CDH18: variants seen among roughly 807,000 people sequenced by gnomAD.
The protein encoded by CDH18 is cadherin-18.
CDH18 carries 31 observed loss-of-function variants against 67.9 expected under a neutral mutation model. That is an observed-to-expected ratio of 0.46 (90% CI 0.34 to 0.62). The LOEUF (loss-of-function observed/expected upper bound fraction) is 0.62, where lower values mean the gene tolerates loss of function less well. Ranked by LOEUF, CDH18 falls within the 20% of genes least tolerant of loss-of-function variation. CDH18 has a pLI of 0.01. For missense variants in CDH18, 890 were observed against 975.5 expected (o/e 0.91, Z 1.17); for synonymous variants, 362 against 347.2 (o/e 1.04, Z -0.48).
intron 5 of CDH18, among the ~76,000 whole-genome samples, chr5:19,637,338 G>A (rs1753307257): frequency 6.6e-6 from 1 of 151,988 alleles, no homozygotes; most frequent in African/African-American, 2.4e-5. Context: ...GTTTAGAATT[G>A]GACACTCTAA....
chr5:19,848,182 A>G (rs115936135), intron 2 of CDH18: 1 of 152,196 alleles, frequency 6.6e-6, no homozygotes, highest in Non-Finnish European at 1.5e-5. Context: ...GCCATTAGGC[A>G]TGAAGAGTAC....
At chr5:20,378,951 A>C (rs899531839) in intron 1 of CDH18, among the ~76,000 whole-genome samples, 2 of 152,174 alleles carry the variant, frequency 1.3e-5, no homozygotes, top group African/African-American at 2.4e-5. Context: ...TGACCCACTA[A>C]GAACCTTCTG....
intron 2 of CDH18, among the ~76,000 whole-genome samples, chr5:19,889,476 G>A (rs1353706575): frequency 6.6e-6 from 1 of 151,524 alleles, no homozygotes; most frequent in East Asian, 1.9e-4. Context: ...TATGAGTTTT[G>A]AATTTATATT....
chr5:20,385,932 A>G (rs1310012365), intron 1 of CDH18, among the ~76,000 whole-genome samples: 1 of 152,204 alleles, frequency 6.6e-6, no homozygotes, highest in Non-Finnish European at 1.5e-5. Context: ...TACAGAAACT[A>G]TTACGAGGAA....
chr5:19,693,606 T>C (rs1368522531), intron 5 of CDH18, among the ~76,000 whole-genome samples: 3 of 152,128 alleles, frequency 2.0e-5, no homozygotes, highest in Non-Finnish European at 4.4e-5. Flanking sequence ...TTAAAAATCA[T>C]GAGAGGAAGG....
At chr5:20,371,867 G>A (rs559702308) in intron 1 of CDH18, among the ~76,000 whole-genome samples, 1 of 152,328 alleles carries the variant, frequency 6.6e-6, no homozygotes, top group Admixed American at 6.5e-5. Context: ...AGGTGCAGAA[G>A]CATGTAAGTT....
At chr5:19,717,479 A>G (rs978402861) in intron 5 of CDH18, among the ~76,000 whole-genome samples, 3 of 151,916 alleles carry the variant, frequency 2.0e-5, no homozygotes, top group Admixed American at 2.0e-4. Context: ...TCTCCAACCT[A>G]TGTTATGGGA....
At chr5:20,302,778 A>C (rs957351330) in intron 1 of CDH18, among the ~76,000 whole-genome samples, 11 of 152,230 alleles carry the variant, frequency 7.2e-5, no homozygotes, top group Admixed American at 2.6e-4. Context: ...TTGGGCACTG[A>C]CCCTGAGCCT....
intron 2 of CDH18, among the ~76,000 whole-genome samples, chr5:20,184,800 G>C (rs74608035): frequency 0.032 from 4,901 of 152,172 alleles, 265 homozygotes; most frequent in African/African-American, 0.11. Flanking sequence ...GGGACTGTGT[G>C]TTCTAATGCA....
At chr5:20,002,107 C>G (rs955720439) in intron 2 of CDH18, among the ~76,000 whole-genome samples, 1 of 152,138 alleles carries the variant, frequency 6.6e-6, no homozygotes, top group Admixed American at 6.5e-5. Context: ...ATTCCTCAAG[C>G]CAGAATTTTC....
chr5:19,672,650 A>G (rs1383632154), intron 5 of CDH18, among the ~76,000 whole-genome samples: 1 of 152,036 alleles, frequency 6.6e-6, no homozygotes, highest in Non-Finnish European at 1.5e-5. Context: ...CTTTTTAAAA[A>G]AATTTATGAA....
intron 1 of CDH18, among the ~76,000 whole-genome samples, chr5:20,495,573 A>G (rs918682464): frequency 1.3e-5 from 2 of 152,150 alleles, no homozygotes; most frequent in Admixed American, 6.6e-5. Flanking sequence ...CTCCTCCCAA[A>G]GAACAATCAG....
chr5:20,287,157 G>T (rs1293638170), intron 1 of CDH18, among the ~76,000 whole-genome samples: 1 of 151,636 alleles, frequency 6.6e-6, no homozygotes, highest in African/African-American at 2.4e-5. Flanking sequence ...ACAAAGTGGT[G>T]CATTAGCAGG....
At chr5:19,618,244 C>T (rs1750148652) in intron 5 of CDH18, among the ~76,000 whole-genome samples, 1 of 151,658 alleles carries the variant, frequency 6.6e-6, no homozygotes, top group Non-Finnish European at 1.5e-5. Flanking sequence ...CTCACTCTGT[C>T]ACCCAGACTG....
intron 1 of CDH18, among the ~76,000 whole-genome samples, chr5:20,419,561 T>C (rs1007774749): frequency 7.2e-6 from 1 of 139,262 alleles, no homozygotes; most frequent in Non-Finnish European, 1.5e-5. Flanking sequence ...CTGCAAGCTC[T>C]GCCTCCCGGG....
At chr5:19,506,638 A>G (rs961119194) in intron 10 of CDH18, among the ~76,000 whole-genome samples, 1 of 152,206 alleles carries the variant, frequency 6.6e-6, no homozygotes, top group Admixed American at 6.5e-5. Flanking sequence ...AAGCCTGGCA[A>G]AAACAAGAAA....
At chr5:19,739,320 A>T (rs1191897832) in intron 4 of CDH18, among the ~76,000 whole-genome samples, 1 of 152,168 alleles carries the variant, frequency 6.6e-6, no homozygotes, top group Non-Finnish European at 1.5e-5. Context: ...ATCCTCTTGA[A>T]CTACTGCCCT....
At chr5:20,095,363 A>G (rs1464430204) in intron 2 of CDH18, among the ~76,000 whole-genome samples, 5 of 138,282 alleles carry the variant, frequency 3.6e-5, no homozygotes, top group Admixed American at 1.5e-4. Context: ...AAGAAAGAAA[A>G]GACAGAAGAA....
intron 5 of CDH18, among the ~76,000 whole-genome samples, chr5:19,720,537 T>C (rs1765950502): frequency 6.6e-6 from 1 of 152,172 alleles, no homozygotes; most frequent in African/African-American, 2.4e-5. Context: ...AAATTGATTG[T>C]CAATGGGGAC....
Sources: allele counts gnomAD v4.1 joint callset (sites outside exome capture counted in the v4.1 genomes callset), GRCh38; gene constraint gnomAD v4.1.1; transcripts MANE v1.5; gene names NCBI Gene and HGNC (gene_info 2026-07-23, HGNC 2026-07-21).